The following ERP44 variants were observed in gnomAD, a reference collection of about 807,000 sequenced individuals.
ERP44 encodes endoplasmic reticulum resident protein 44.
In ERP44, 25 loss-of-function variants were observed where a neutral mutation model predicts 53.4. The observed-to-expected ratio is 0.47, with a 90% CI of 0.34 to 0.65. The LOEUF (loss-of-function observed/expected upper bound fraction) is 0.65, where lower values mean the gene tolerates loss of function less well. Ranked by LOEUF, ERP44 falls within the 30% of genes least tolerant of loss-of-function variation. The probability of loss-of-function intolerance (pLI) is 0.01; values close to 1 mark genes in which losing one functional copy is unlikely to be tolerated. For missense variants in ERP44, 338 were observed against 493.2 expected, an observed-to-expected ratio of 0.69 and a Z score of 2.98; for synonymous variants, 145 against 161.2, an observed-to-expected ratio of 0.90 and a Z score of 0.76.
At chr9:100,031,760 C>T (rs1825792955) in intron 4 of ERP44, among the ~76,000 whole-genome samples, 1 of 152,050 alleles carries the variant, frequency 6.6e-6, no homozygotes. Context: ...GCCTGGGATT[C>T]CCTGGGAAAA....
chr9:99,995,884 T>C (rs1160133615), intron 10 of ERP44, among the ~76,000 whole-genome samples: 1 of 151,780 alleles, frequency 6.6e-6, no homozygotes, highest in African/African-American at 2.4e-5. Context: ...TTTGGATAGA[T>C]ACCCAGTAGT....
At chr9:100,093,371 C>T (rs1224338797) in intron 1 of ERP44, among the ~76,000 whole-genome samples, 1 of 152,192 alleles carries the variant, frequency 6.6e-6, no homozygotes, top group Non-Finnish European at 1.5e-5. Flanking sequence ...GGGCTGGGCA[C>T]AGTGGCTCAG....
intron 8 of ERP44, among the ~76,000 whole-genome samples, chr9:100,012,262 TTGCAATATCTATTGCATATCTAG>T (rs2118640346): frequency 6.6e-6 from 1 of 152,342 alleles, no homozygotes; most frequent in Admixed American, 6.5e-5. Flanking sequence ...TGCATATCTA[TTGCAATATCTATTGCATATCTAG>T]TGCAATAGAG....
intron 10 of ERP44, among the ~76,000 whole-genome samples, chr9:99,989,854 G>A (rs975975939): frequency 6.6e-6 from 1 of 152,202 alleles, no homozygotes; most frequent in Non-Finnish European, 1.5e-5. Context: ...TGAAAACCAT[G>A]GCACGAGAAC....
At chr9:100,075,350 TCC>T (rs1564104008) in intron 1 of ERP44, among the ~76,000 whole-genome samples, 1 of 152,208 alleles carries the variant, frequency 6.6e-6, no homozygotes, top group African/African-American at 2.4e-5. Flanking sequence ...TCCATTCCTT[TCC>T]ATAAGGCCCA....
chr9:99,983,068 C>A (rs533714833), intron 11 of ERP44, among the ~76,000 whole-genome samples: 1 of 152,100 alleles, frequency 6.6e-6, no homozygotes, highest in African/African-American at 2.4e-5. Flanking sequence ...CCCTTCTGCA[C>A]GTGACTGCTA....
intron 1 of ERP44, among the ~76,000 whole-genome samples, chr9:100,077,665 A>G (rs1039610122): frequency 6.6e-6 from 1 of 152,192 alleles, no homozygotes; most frequent in African/African-American, 2.4e-5. Flanking sequence ...ATTCCATTAA[A>G]CTGGAAGTTC....
At chr9:100,071,219 C>G (rs962534037) in intron 1 of ERP44, among the ~76,000 whole-genome samples, 9 of 151,616 alleles carry the variant, frequency 5.9e-5, no homozygotes, top group Non-Finnish European at 1.3e-4. Flanking sequence ...CTCAGCCTCC[C>G]AAGTAGCTGG....
chr9:100,043,130 G>T (rs1174796441), intron 4 of ERP44, among the ~76,000 whole-genome samples: 2 of 151,024 alleles, frequency 1.3e-5, no homozygotes, highest in African/African-American at 4.9e-5. Flanking sequence ...ATGGTGGCGG[G>T]CACCTGTAGT....
At chr9:100,032,344 TA>T (rs1825801083) in intron 4 of ERP44, among the ~76,000 whole-genome samples, 1 of 152,170 alleles carries the variant, frequency 6.6e-6, no homozygotes, top group South Asian at 2.1e-4. Flanking sequence ...GTGTGTAGTG[TA>T]AAAAAAGCAT....
At chr9:99,989,297 C>A (rs1322522494) in intron 10 of ERP44, among the ~76,000 whole-genome samples, 1 of 152,176 alleles carries the variant, frequency 6.6e-6, no homozygotes, top group African/African-American at 2.4e-5. Context: ...CGACTGACAC[C>A]TCATACAGCT....
At chr9:100,090,089 T>C (rs1174339353) in intron 1 of ERP44, among the ~76,000 whole-genome samples, 1 of 152,208 alleles carries the variant, frequency 6.6e-6, no homozygotes, top group Non-Finnish European at 1.5e-5. Context: ...CAGTAAAAAT[T>C]CCTGCTATTT....
chr9:100,098,735 C>T (rs1826696171), intron 1 of ERP44, 49 bp downstream of exon 1: 2 of 1,510,916 alleles, frequency 1.3e-6, no homozygotes, highest in African/African-American at 2.8e-5. Context: ...GGGCGAGGGC[C>T]GGAGGCCGTT....
intron 4 of ERP44, among the ~76,000 whole-genome samples, chr9:100,035,785 A>G (rs1578645): frequency 0.67 from 102,575 of 152,204 alleles, 35,729 homozygotes; most frequent in East Asian, 0.91. Context: ...GCCAACAAAC[A>G]TATGAAAAAA....
chr9:100,011,735 T>A (rs1426349596), intron 8 of ERP44, among the ~76,000 whole-genome samples: 4 of 152,214 alleles, frequency 2.6e-5, no homozygotes, highest in African/African-American at 9.7e-5. Flanking sequence ...AGGGAAATAC[T>A]ACTTTGAGAA....
chr9:99,992,081 C>G (rs1232318579), intron 10 of ERP44, among the ~76,000 whole-genome samples: 1 of 152,162 alleles, frequency 6.6e-6, no homozygotes, highest in African/African-American at 2.4e-5. Context: ...CGACTTCTAC[C>G]AGAGGTACAA....
At chr9:100,000,473 T>A (rs1830364891) in intron 10 of ERP44, among the ~76,000 whole-genome samples, 1 of 151,976 alleles carries the variant, frequency 6.6e-6, no homozygotes, top group Non-Finnish European at 1.5e-5. Flanking sequence ...CTTCTTCAAT[T>A]TTTTGGTAGT....
intron 1 of ERP44, among the ~76,000 whole-genome samples, chr9:100,067,156 G>A (rs1378829026): frequency 2.0e-5 from 3 of 151,938 alleles, no homozygotes; most frequent in South Asian, 2.1e-4. Context: ...TCTCGCTCTC[G>A]CTCTCCCTCT....
chr9:100,021,539 T>C (rs904131599), intron 5 of ERP44, among the ~76,000 whole-genome samples: 7 of 152,170 alleles, frequency 4.6e-5, no homozygotes, highest in African/African-American at 1.7e-4. Flanking sequence ...TGATGATTGG[T>C]GATTGTGATA....
Sources: allele counts gnomAD v4.1 joint callset (sites outside exome capture counted in the v4.1 genomes callset), GRCh38; gene constraint gnomAD v4.1.1; transcripts MANE v1.5; gene names NCBI Gene and HGNC (gene_info 2026-07-23, HGNC 2026-07-21).